Variants in TMEM135 observed in about 807,000 individuals in gnomAD.
The protein encoded by TMEM135 is peroxisomal membrane protein 52.
Under a neutral mutation model 60.3 loss-of-function variants are expected in TMEM135, and 30 were observed. The ratio of observed to expected loss-of-function variants is 0.50; its 90% CI spans 0.37 to 0.68. TMEM135 has a LOEUF of 0.68. Among genes scored for constraint, TMEM135 ranks in the 30% least tolerant of loss-of-function variants. The probability of loss-of-function intolerance (pLI) is 0.00; values close to 1 mark genes in which losing one functional copy is unlikely to be tolerated. For missense variants in TMEM135, 468 were observed against 548.8 expected (o/e 0.85, Z 1.47); for synonymous variants, 190 against 186.7 (o/e 1.02, Z -0.14).
chr11:87,221,434 C>T (rs1347818108), intron 5 of TMEM135, among the ~76,000 whole-genome samples: 3 of 152,226 alleles, frequency 2.0e-5, no homozygotes, highest in African/African-American at 7.2e-5. Flanking sequence ...TTGACACCAT[C>T]GTTGTTAGAG....
intron 3 of TMEM135, among the ~76,000 whole-genome samples, chr11:87,075,966 C>T (rs967656127): frequency 9.2e-5 from 14 of 152,112 alleles, no homozygotes; most frequent in African/African-American, 3.4e-4. Flanking sequence ...GGCTACCATC[C>T]CTGGGACTGC....
At chr11:87,152,055 A>C (rs1160611781) in intron 4 of TMEM135, among the ~76,000 whole-genome samples, 1 of 152,136 alleles carries the variant, frequency 6.6e-6, no homozygotes, top group Non-Finnish European at 1.5e-5. Context: ...TCTCAGTCTT[A>C]CCTGCATTCT....
rs1290689575 is a variant in TMEM135, at chr11:87,321,392, G to A, written c.*59G>A. 1 of 1,587,946 alleles carries A rather than the reference G, an allele frequency of 6.3e-7. No individual in the cohort carries two copies. Among genetic ancestry groups the A allele is most frequent in the Admixed American group, 1.7e-5 (1 of 59,832 alleles). Reference sequence around the variant, plus strand: ...TTCATCTTGAAGAGTTAATTATGTTGAACACAAAGGAGGGGGCCCAAGCTC... The same window carrying A: ...TTCATCTTGAAGAGTTAATTATGTTAAACACAAAGGAGGGGGCCCAAGCTC... On this transcript the variant is annotated 3_prime_UTR_variant, in exon 15 of 15. Transcript: ENST00000305494.
At chr11:87,293,588 C>T (rs990796724) in intron 6 of TMEM135, among the ~76,000 whole-genome samples, 9 of 152,112 alleles carry the variant, frequency 5.9e-5, no homozygotes, top group Non-Finnish European at 1.3e-4. Context: ...TCAACTCCTA[C>T]TTGTGAGTGA....
chr11:87,160,178 T>C (rs986418221), intron 5 of TMEM135, among the ~76,000 whole-genome samples: 1 of 152,234 alleles, frequency 6.6e-6, no homozygotes, highest in South Asian at 2.1e-4. Flanking sequence ...AAACTTTGCA[T>C]GTGTTTCCTC....
intron 6 of TMEM135, among the ~76,000 whole-genome samples, chr11:87,257,998 G>A (rs58527911): frequency 0.013 from 1,917 of 152,072 alleles, 25 homozygotes; most frequent in African/African-American, 0.041. Flanking sequence ...CCATATGTAC[G>A]TCTAAGTCCC....
At position 87,177,007 on chromosome 11, in the gene TMEM135, T is replaced by G. The variant is rs1193281416; in HGVS notation, c.462+19601T>G. Among the ~76,000 whole-genome samples, 3 of 152,170 alleles carry G rather than the reference T, an allele frequency of 2.0e-5. No homozygotes were observed. The East Asian group carries it at 5.8e-4, about 29-fold the overall frequency. ...TTTAATATTAATATAATATACATGC[T>G]AGCAGTCCTTTTGATATAATTTTCA... On this transcript the variant is annotated intron_variant, in intron 5 of 14. Coordinates refer to ENST00000305494, the MANE Select transcript of TMEM135 (RefSeq NM_022918.4).
intron 7 of TMEM135, 82 bp from the exon 8 acceptor site, chr11:87,302,214 T>C: frequency 7.0e-7 from 1 of 1,430,778 alleles, no homozygotes; most frequent in Non-Finnish European, 9.6e-7. Context: ...CAAAGCGTAT[T>C]TGTTTATAAA....
intron 5 of TMEM135, among the ~76,000 whole-genome samples, chr11:87,213,797 GT>G (rs1283347993): frequency 1.3e-5 from 2 of 152,172 alleles, no homozygotes; most frequent in Non-Finnish European, 2.9e-5. Flanking sequence ...TGAATAGAAG[GT>G]CATTTGTGGA....
chr11:87,133,570 C>T (rs529515429), intron 4 of TMEM135, among the ~76,000 whole-genome samples: 161 of 152,282 alleles, frequency 1.1e-3, no homozygotes, highest in African/African-American at 3.5e-3. Flanking sequence ...AAAAACTATA[C>T]ATATTTAAAG....
intron 4 of TMEM135, among the ~76,000 whole-genome samples, chr11:87,103,169 C>T (rs1857503246): frequency 6.6e-6 from 1 of 152,196 alleles, no homozygotes; most frequent in Non-Finnish European, 1.5e-5. Flanking sequence ...ACCGATTTCA[C>T]TTTCTTTGGA....
chr11:87,057,810 T>G (rs1055249108), intron 1 of TMEM135, among the ~76,000 whole-genome samples: 4 of 151,470 alleles, frequency 2.6e-5, no homozygotes, highest in African/African-American at 9.7e-5. Flanking sequence ...TGTGTGTGTG[T>G]GTGTGTTTGT....
rs1305616998 is a variant in TMEM135 at position 87,319,395 on chromosome 11, T to A, written c.1244+18T>A. The A allele has an allele frequency of 6.3e-7, 1 of 1,582,212 alleles. No individual in the cohort carries two copies. Among genetic ancestry groups the A allele is most frequent in the Admixed American group, 1.7e-5 (1 of 59,924 alleles). On this transcript the variant is annotated intron_variant, in intron 14 of 14. Coordinates refer to ENST00000305494, the MANE Select transcript of TMEM135 (RefSeq NM_022918.4). ...AAGGGCAAGTAAGTGACTACGTAGT[T>A]TTCTTAAAAATATTATGAGTGGTTT... is the stretch of plus-strand genomic sequence containing the variant.
At chr11:87,128,355 G>A (rs1378349319) in intron 4 of TMEM135, among the ~76,000 whole-genome samples, 7 of 152,018 alleles carry the variant, frequency 4.6e-5, no homozygotes, top group Admixed American at 4.6e-4. Flanking sequence ...CCAGATCTTT[G>A]CTCTAGCTGT....
Position 87,313,429 on chromosome 11 carries a change from C to CTA in TMEM135, c.942_943dup (p.Ser315IlefsTer11), listed in dbSNP as rs1565168211. 6.2e-7 allele frequency: 1 copy of CTA among 1,610,218 alleles called. No individual in the cohort carries two copies. The highest frequency in any genetic ancestry group is 8.5e-7 in the Non-Finnish European group (1 of 1,177,154). Reference sequence around the variant, plus strand: ...TTGTATTTTCTCCTTAACTAGGGTACTAGTTGCTTCCTGCGCTGGATCAGA... The same window carrying CTA: ...TTGTATTTTCTCCTTAACTAGGGTACTATAGTTGCTTCCTGCGCTGGATCAGA... On this transcript the variant is annotated frameshift_variant, in exon 11 of 15. Coordinates refer to ENST00000305494, the MANE Select transcript of TMEM135 (RefSeq NM_022918.4). LOFTEE classifies it high-confidence loss of function.
intron 1 of TMEM135, among the ~76,000 whole-genome samples, chr11:87,040,522 CGTG>C (rs1949741275): frequency 6.6e-6 from 1 of 152,066 alleles, no homozygotes; most frequent in Non-Finnish European, 1.5e-5. Context: ...ATTAGCTGGG[CGTG>C]GTGGCACATG....
At chr11:87,119,744 C>T (rs557194349) in intron 4 of TMEM135, among the ~76,000 whole-genome samples, 1 of 152,254 alleles carries the variant, frequency 6.6e-6, no homozygotes, top group South Asian at 2.1e-4. Context: ...GATCACATAA[C>T]AGATATACTA....
intron 4 of TMEM135, among the ~76,000 whole-genome samples, chr11:87,093,001 T>A (rs2135170993): frequency 6.6e-6 from 1 of 152,276 alleles, no homozygotes; most frequent in Middle Eastern, 3.4e-3. Context: ...ATTAAATTCT[T>A]ATCCATCCCC....
intron 6 of TMEM135, among the ~76,000 whole-genome samples, chr11:87,274,788 G>C (rs967714388): frequency 2.2e-5 from 1 of 45,114 alleles, no homozygotes. Context: ...TAGCAAGACT[G>C]TGTGTGTGTG....
Sources: gnomAD v4.1 joint callset for allele counts (sites outside exome capture counted in the v4.1 genomes callset) on GRCh38, gnomAD v4.1.1 for gene constraint, MANE v1.5 for transcripts, NCBI Gene and HGNC (gene_info 2026-07-23, HGNC 2026-07-21) for gene names.